FRMPD4: variants seen among roughly 807,000 people sequenced by gnomAD.
FRMPD4 encodes FERM and PDZ domain containing 4.
A neutral mutation model predicts 94.1 loss-of-function variants in FRMPD4; 22 were observed. The observed-to-expected ratio is 0.23, with a 90% CI of 0.17 to 0.33. The LOEUF is 0.33. FRMPD4 is among the 10% of genes least tolerant of loss of function. FRMPD4 has a pLI of 1.00. For synonymous variants in FRMPD4, 631 were observed against 548.6 expected (o/e 1.15, Z -2.10); for missense variants, 1,111 against 1,339.9 (o/e 0.83, Z 2.67).
At chrX:12,346,675 T>C (rs1437408419) in intron 1 of FRMPD4, among the ~76,000 whole-genome samples, 1 of 111,689 alleles carries the variant, frequency 9.0e-6, no homozygotes, top group Non-Finnish European at 1.9e-5. Flanking sequence ...AAATGGAGCA[T>C]ACTTTTTTAT....
At chrX:12,031,616 G>T (rs1016894795) in intron 3 of FRMPD4, among the ~76,000 whole-genome samples, 10 of 111,649 alleles carry the variant, frequency 9.0e-5, no homozygotes, top group Admixed American at 6.6e-4. Context: ...TGGTGCTACT[G>T]GCATCTAGTG....
intron 3 of FRMPD4, among the ~76,000 whole-genome samples, chrX:12,056,670 C>T (rs1451171671): frequency 9.0e-6 from 1 of 111,222 alleles, no homozygotes. Context: ...TTTTCTGAGT[C>T]CCGACATCAT....
rs925139997 is a variant in FRMPD4, at chrX:12,721,765, C to A, written c.5196C>A (p.Asp1732Glu). 1.4e-4 allele frequency: 105 copies of A among 752,352 alleles called. No individual in the cohort carries two copies. The highest frequency in any genetic ancestry group is 1.6e-4 in the Non-Finnish European group (104 of 637,543). The allele number at this position is 752,352 out of a possible 1,213,427, so 62.0% of individuals were successfully genotyped here. ...AEAATGKNPG[D>E]PNVGLSARHS... The stretch of plus-strand genomic sequence containing the variant: ...CAGCCACTGGAAAGAACCCTGGGGA[C>A]CCTAATGTTGGACTCTCGGCGCGAC... The change falls in exon 17 of 17, where the codon GAC becomes GAA. Residue 1732 changes from aspartate (D) to glutamate (E), a missense_variant. By Grantham distance (45) the Asp-to-Glu change is conservative (BLOSUM62 2). This residue lies in a region of FRMPD4 where 551 missense variants were observed against 591.6 expected (regional missense o/e 0.93). Transcript: ENST00000675598.
chrX:12,411,984 T>G (rs1395246085), intron 1 of FRMPD4, among the ~76,000 whole-genome samples: 2 of 111,977 alleles, frequency 1.8e-5, no homozygotes, highest in Non-Finnish European at 3.8e-5. Flanking sequence ...AGAGAATGTC[T>G]GCTGCGTAAT....
chrX:12,553,702 T>G (rs768244369), intron 2 of FRMPD4, among the ~76,000 whole-genome samples: 1 of 108,504 alleles, frequency 9.2e-6, no homozygotes, highest in Non-Finnish European at 1.9e-5. Context: ...GGGTCTGTGG[T>G]TTTGCCCTGA....
intron 1 of FRMPD4, among the ~76,000 whole-genome samples, chrX:12,376,794 G>A (rs1406232509): frequency 8.9e-6 from 1 of 112,868 alleles, no homozygotes; most frequent in Non-Finnish European, 1.9e-5. Flanking sequence ...TCTCCTATGA[G>A]TTTGGTTAGT....
At chrX:12,163,065 A>G (rs12838828) in intron 1 of FRMPD4, among the ~76,000 whole-genome samples, 15,745 of 110,124 alleles carry the variant, frequency 0.14, 997 homozygotes, top group South Asian at 0.32. Context: ...AGGAGGAAGG[A>G]GAGAAAAGAG....
At chrX:12,359,144 G>A (rs1191722284) in intron 1 of FRMPD4, among the ~76,000 whole-genome samples, 2 of 111,690 alleles carry the variant, frequency 1.8e-5, no homozygotes, top group Non-Finnish European at 3.8e-5. Context: ...TTTGACCTTG[G>A]ATTTATTAAA....
intron 1 of FRMPD4, among the ~76,000 whole-genome samples, chrX:12,487,804 A>G (rs1438481): frequency 1.8e-5 from 2 of 110,682 alleles, no homozygotes; most frequent in African/African-American, 6.6e-5. Context: ...TACCATGGAA[A>G]TGCATGATGA....
chrX:12,392,685 G>A (rs1158662629), intron 1 of FRMPD4, among the ~76,000 whole-genome samples: 1 of 74,214 alleles, frequency 1.3e-5, no homozygotes, highest in African/African-American at 6.0e-5. Flanking sequence ...TGTGACTAAT[G>A]GCTACCATCT....
At chrX:12,168,816 G>C (rs5978491) in intron 1 of FRMPD4, among the ~76,000 whole-genome samples, 18,071 of 109,416 alleles carry the variant, frequency 0.17, 1,907 homozygotes, top group African/African-American at 0.39. Flanking sequence ...TAGTAGAGAC[G>C]GGGTTTCACC....
At chrX:12,352,762 C>A (rs983092411) in intron 1 of FRMPD4, among the ~76,000 whole-genome samples, 1 of 112,087 alleles carries the variant, frequency 8.9e-6, no homozygotes, top group Non-Finnish European at 1.9e-5. Flanking sequence ...TACACACATA[C>A]ATATCAAAAA....
chrX:12,420,609 C>T (rs1428260484), intron 1 of FRMPD4, among the ~76,000 whole-genome samples: 1 of 112,056 alleles, frequency 8.9e-6, no homozygotes, highest in Non-Finnish European at 1.9e-5. Context: ...CCTGGGCCAC[C>T]ATCCCTGCCC....
intron 3 of FRMPD4, among the ~76,000 whole-genome samples, chrX:12,072,915 T>C (rs1601918460): frequency 1.9e-5 from 2 of 108,050 alleles, no homozygotes; most frequent in East Asian, 2.8e-4. Context: ...CTACCTTCTA[T>C]TATTTATATA....
chrX:12,383,630 C>G (rs775912589), intron 1 of FRMPD4, among the ~76,000 whole-genome samples: 1 of 111,385 alleles, frequency 9.0e-6, no homozygotes, highest in African/African-American at 3.3e-5. Context: ...GAGTTCAGCA[C>G]GACGCCTAGC....
At chrX:11,829,522 C>T (rs1470083677) in intron 1 of FRMPD4, among the ~76,000 whole-genome samples, 3 of 111,999 alleles carry the variant, frequency 2.7e-5, no homozygotes, top group Admixed American at 9.5e-5. Flanking sequence ...ATGATATACA[C>T]CCATGTAACA....
chrX:12,022,672 CAG>C (rs1163696552), intron 3 of FRMPD4, among the ~76,000 whole-genome samples: 1 of 111,809 alleles, frequency 8.9e-6, no homozygotes, highest in Non-Finnish European at 1.9e-5. Flanking sequence ...CCTCTAATCA[CAG>C]AATCCTTCAC....
chrX:11,909,719 A>G lies in FRMPD4; in HGVS notation c.95+31701A>G, dbSNP rs7883710. Among the ~76,000 whole-genome samples the G allele has an allele frequency of 4.3e-3, 477 of 110,963 alleles. 2 individuals are homozygous for G. Among genetic ancestry groups the G allele is most frequent in the African/African-American group, 0.015 (447 of 30,592 alleles). On this transcript the variant is annotated intron_variant, in intron 3 of 18. Transcript: ENST00000640291. ...TTATCTGCATCCCACACATTTTGAT[A>G]AGTTGTGTCTTCATTTTCAAAATTC...
intron 4 of FRMPD4, among the ~76,000 whole-genome samples, chrX:12,663,267 T>C (rs2059737703): frequency 8.9e-6 from 1 of 112,418 alleles, no homozygotes; most frequent in African/African-American, 3.2e-5. Flanking sequence ...CATGCAGTCT[T>C]TCCCCATGCC....
Sources: allele counts gnomAD v4.1 joint callset (sites outside exome capture counted in the v4.1 genomes callset), GRCh38; gene constraint gnomAD v4.1.1; regional missense constraint gnomAD v4.1.1; transcripts MANE v1.5; gene names NCBI Gene and HGNC (gene_info 2026-07-23, HGNC 2026-07-21).